LRRC71: variants seen among roughly 807,000 people sequenced by gnomAD.
LRRC71 encodes leucine rich repeat containing 71, also known as leucine-rich repeat-containing protein 71.
A neutral mutation model predicts 66.6 loss-of-function variants in LRRC71; 54 were observed. The observed-to-expected ratio is 0.81, with a 90% confidence interval of 0.65 to 1.02. The LOEUF (loss-of-function observed/expected upper bound fraction) is 1.02, where lower values mean the gene tolerates loss of function less well. Among genes scored for constraint, LRRC71 ranks in the 50% least tolerant of loss-of-function variants. The pLI is 0.00. For missense variants in LRRC71, 724 were observed against 718.0 expected (o/e 1.01, Z -0.10); for synonymous variants, 323 against 303.9 (o/e 1.06, Z -0.65).
chr1:156,938,611 CA>C, the LRRC71 span: 8 of 1,138,142 alleles, frequency 7.0e-6, no homozygotes, highest in African/African-American at 1.1e-4. Context: ...GAGGTGGGGA[CA>C]GGGGGAGGAG....
At chr1:156,939,915 AG>A in the LRRC71 span, 1 of 1,599,852 alleles carries the variant, frequency 6.3e-7, no homozygotes, top group Non-Finnish European at 8.5e-7. Flanking sequence ...TCTCCACTGG[AG>A]GGGAAACAGG....
At chr1:156,930,064 C>CTT (rs1553189708) in intron 11 of LRRC71, among the ~76,000 whole-genome samples, 65 of 95,456 alleles carry the variant, frequency 6.8e-4, no homozygotes, top group East Asian at 3.2e-3. Context: ...CTTTCTTTTT[C>CTT]TTTCTTTCTT....
At chr1:156,936,497 AATAT>A (rs1553192804), downstream of LRRC71, among the ~76,000 whole-genome samples, 56 of 33,932 alleles carry the variant, frequency 1.7e-3, no homozygotes, top group African/African-American at 5.2e-3. Flanking sequence ...AAAAAAAAAA[AATAT>A]ATATATATAT....
chr1:156,935,776 C>G, downstream of LRRC71: 1 of 560,272 alleles, frequency 1.8e-6, no homozygotes, highest in Non-Finnish European at 3.2e-6. Context: ...GACATGAGGC[C>G]TTGGAGGGTT....
chr1:156,920,710 CCT>C lies in LRRC71; in HGVS notation c.-93_-92del. ...GTCCCTGGACGCGGAACAGAGATCC[CCT>C]GATTCAGCCACCCCCAGACTGAGCC... On this transcript the variant is annotated 5_prime_UTR_variant, in exon 1 of 15. Coordinates refer to ENST00000337428, the MANE Select transcript of LRRC71 (RefSeq NM_144702.3). The surrounding 1 kb of genome is among the most constrained non-coding windows in gnomAD (Gnocchi z 4.9). 1 of 1,327,070 alleles carries C rather than the reference CCT, an allele frequency of 7.5e-7. No homozygotes were observed. Among genetic ancestry groups the C allele is most frequent in the African/African-American group, 1.5e-5 (1 of 65,750 alleles). The allele number at this position is 1,327,070 out of a possible 1,614,324, so 82.2% of individuals were successfully genotyped here.
chr1:156,930,518 TC>T lies in LRRC71; in HGVS notation c.1241-10del, dbSNP rs1044309897. On this transcript the variant is annotated splice_polypyrimidine_tract_variant and intron_variant, in intron 11 of 14. Coordinates refer to ENST00000337428, the MANE Select transcript of LRRC71 (RefSeq NM_144702.3). ...GTGCACTGTGCATTCTGGCTCCTCT[TC>T]TGGCCCCAGAGGTAACCATCCCTGA... 7 of 1,555,452 alleles carry T rather than the reference TC, an allele frequency of 4.5e-6. No individual in the cohort carries two copies. Among genetic ancestry groups the T allele is most frequent in the Non-Finnish European group, 6.1e-6 (7 of 1,149,142 alleles).
Position 156,929,272 on chromosome 1 carries a change from G to A in LRRC71, c.997-8G>A, listed in dbSNP as rs552245313. ...TCTTCCCCCCTTCCCTCCCATTTGT[G>A]AGCACAGCCCTCCTCCTCTCGACAC... is the stretch of plus-strand genomic sequence containing the variant. On this transcript the variant is annotated splice_region_variant and splice_polypyrimidine_tract_variant and intron_variant, in intron 9 of 14. Transcript: ENST00000337428. 1.6e-4 allele frequency: 258 copies of A among 1,594,598 alleles called. 4 individuals are homozygous for A. In the South Asian group the frequency reaches 2.8e-3, roughly 17 times the overall value.
downstream of LRRC71, among the ~76,000 whole-genome samples, chr1:156,937,906 G>A (rs1345841285): frequency 6.6e-6 from 1 of 152,200 alleles, no homozygotes; most frequent in Non-Finnish European, 1.5e-5. Flanking sequence ...GCCCTGCCCT[G>A]CCCCTCTTCC....
Position 156,920,914 on chromosome 1 carries a change from G to A in LRRC71, c.111G>A (p.Lys37=). 6.5e-7 allele frequency: 1 copy of A among 1,540,972 alleles called. No individual in the cohort carries two copies. Among genetic ancestry groups the A allele is most frequent in the Non-Finnish European group, 8.8e-7 (1 of 1,142,446 alleles). The part of the protein sequence containing the change: ...TKKGERAAKE[K]PATVLPPVGE... Reference sequence around the variant, plus strand: ...AGGGAGAGCGCGCGGCCAAAGAGAAGCCAGCGACCGTTCTGCCTCCCGTGG... The same window carrying A: ...AGGGAGAGCGCGCGGCCAAAGAGAAACCAGCGACCGTTCTGCCTCCCGTGG... Residue 37 remains lysine, a synonymous_variant, in exon 1 of 15, where the codon AAG becomes AAA. Coordinates refer to ENST00000337428, the MANE Select transcript of LRRC71 (RefSeq NM_144702.3). The surrounding 1 kb of genome is among the most constrained non-coding windows in gnomAD (Gnocchi z 4.9).
In LRRC71 at chr1:156,924,562, G is replaced by A; in HGVS notation, c.439+10G>A. The A allele has an allele frequency of 6.4e-7, 1 of 1,551,196 alleles. No individual in the cohort carries two copies. Among genetic ancestry groups the A allele is most frequent in the Non-Finnish European group, 8.7e-7 (1 of 1,146,754 alleles). On this transcript the variant is annotated intron_variant, in intron 3 of 14. Coordinates refer to ENST00000337428, the MANE Select transcript of LRRC71 (RefSeq NM_144702.3). Reference sequence around the variant, plus strand: ...GAAATCTACATCCGCGGTGAGCCCCGCTCCCCCCACCCGCCCCAGCTCCCT... The same window carrying A: ...GAAATCTACATCCGCGGTGAGCCCCACTCCCCCCACCCGCCCCAGCTCCCT...
intron 13 of LRRC71, 25 bp downstream of exon 13, chr1:156,932,052 C>G: frequency 6.5e-7 from 1 of 1,548,766 alleles, no homozygotes; most frequent in Non-Finnish European, 8.8e-7. Context: ...CTCCCCTGTC[C>G]TCCTGTCATG....
the LRRC71 span, chr1:156,938,753 C>T: frequency 2.1e-6 from 1 of 482,772 alleles, no homozygotes; most frequent in South Asian, 3.5e-5. Context: ...GACAGGTGGC[C>T]CTTGGGCAGA....
chr1:156,923,392 G>T (rs1175427128), intron 1 of LRRC71, among the ~76,000 whole-genome samples: 2 of 152,248 alleles, frequency 1.3e-5, no homozygotes, highest in Non-Finnish European at 2.9e-5. Flanking sequence ...ATATAACTCA[G>T]AAATGAGTTA....
chr1:156,923,977 G>A lies in LRRC71; in HGVS notation c.189G>A (p.Glu63=). ...PEEYQCSGVL[E]TDFAELCTRW... ...AGTACCAGTGCTCCGGGGTCCTCGA[G>A]ACCGACTTCGCCGAGCTCTGCACGC... is the stretch of plus-strand genomic sequence containing the variant. The change falls in exon 2 of 15, where the codon GAG becomes GAA. Residue 63 remains glutamate, a synonymous_variant. Transcript: ENST00000337428. The A allele has an allele frequency of 6.5e-7, 1 of 1,537,412 alleles. No individual in the cohort carries two copies. The highest frequency in any genetic ancestry group is 8.8e-7 in the Non-Finnish European group (1 of 1,139,824).
At chr1:156,939,746 C>A in the LRRC71 span, 1 of 1,614,062 alleles carries the variant, frequency 6.2e-7, no homozygotes, top group South Asian at 1.1e-5. Flanking sequence ...TCCCCTTCAC[C>A]CCCAGGGGGT....
At chr1:156,924,379 C>A in intron 2 of LRRC71, 45 bp from the exon 3 acceptor site, 1 of 1,535,342 alleles carries the variant, frequency 6.5e-7, no homozygotes. Flanking sequence ...CGGCGTGGGG[C>A]CCTGGAGGTG....
At position 156,930,592 on chromosome 1, in the gene LRRC71, A is replaced by T; in HGVS notation, c.1304A>T (p.Lys435Met). The T allele has an allele frequency of 1.3e-6, 2 of 1,567,072 alleles. No individual in the cohort carries two copies. Among genetic ancestry groups the T allele is most frequent in the Non-Finnish European group, 1.7e-6 (2 of 1,155,734 alleles). ...AKGIKIGSRE[K>M]RSILLESELV... ...GGGATCAAGATCGGGAGCAGAGAGA[A>T]GCGCAGCATCCTCCTGGAGTCCGAG... The change falls in exon 12 of 15, where the codon AAG (lysine) becomes ATG (methionine). Residue 435 changes from lysine to methionine, a missense_variant. By Grantham distance (95) the Lys-to-Met change is moderately conservative (BLOSUM62 -1). Coordinates refer to ENST00000337428, the MANE Select transcript of LRRC71 (RefSeq NM_144702.3).
chr1:156,926,062 C>T (rs369919599), intron 5 of LRRC71, among the ~76,000 whole-genome samples: 4 of 152,200 alleles, frequency 2.6e-5, no homozygotes, highest in Admixed American at 2.0e-4. Context: ...TTTTACATAG[C>T]GTCATTTCTA....
At chr1:156,923,372 G>A (rs978746316) in intron 1 of LRRC71, among the ~76,000 whole-genome samples, 2 of 152,220 alleles carry the variant, frequency 1.3e-5, no homozygotes, top group Non-Finnish European at 2.9e-5. Flanking sequence ...TGGTGGGCGC[G>A]TGTGAATTAA....
Sources: gnomAD v4.1 joint callset for allele counts (sites outside exome capture counted in the v4.1 genomes callset) on GRCh38, gnomAD v4.1.1 for gene constraint, Gnocchi (gnomAD v3.1) non-coding constraint, MANE v1.5 for transcripts, NCBI Gene and HGNC (gene_info 2026-07-23, HGNC 2026-07-21) for gene names.